The following KAZN variants were observed in gnomAD, a reference collection of about 807,000 sequenced individuals.
KAZN encodes the protein kazrin, periplakin interacting protein.
A neutral mutation model predicts 87.4 loss-of-function variants in KAZN; 40 were observed. The ratio of observed to expected loss-of-function variants is 0.46; its 90% CI spans 0.36 to 0.60. The LOEUF (loss-of-function observed/expected upper bound fraction) is 0.60. Among genes scored for constraint, KAZN ranks in the 20% least tolerant of loss-of-function variants. The pLI is 0.00. For missense variants in KAZN, 898 were observed against 1,073.9 expected (o/e 0.84, Z 2.29); for synonymous variants, 466 against 458.3 (o/e 1.02, Z -0.22).
At chr1:14,052,556 G>A (rs1304876421) in intron 1 of KAZN, among the ~76,000 whole-genome samples, 1 of 151,842 alleles carries the variant, frequency 6.6e-6, no homozygotes, top group Non-Finnish European at 1.5e-5. Flanking sequence ...AAAAACAAGA[G>A]AAATTGACAG....
chr1:14,955,349 A>C (rs1662962863), intron 1 of KAZN, among the ~76,000 whole-genome samples: 1 of 152,336 alleles, frequency 6.6e-6, no homozygotes, highest in African/African-American at 2.4e-5. Flanking sequence ...ACCGAGGCCC[A>C]GGGAGAAGTG....
Position 14,724,602 on chromosome 1 carries a change from G to A in KAZN, c.226+125379G>A, listed in dbSNP as rs189677705. Among the ~76,000 whole-genome samples the A allele has an allele frequency of 2.9e-3, 447 of 152,288 alleles. 3 individuals are homozygous for A. Among genetic ancestry groups the A allele is most frequent in the Non-Finnish European group, 5.1e-3 (345 of 68,028 alleles). ...TGGTTCCTTCTCCGTTTTGTGCCTG[G>A]ATGACACTGCCACCAATTTATTGCC... On this transcript the variant is annotated intron_variant, in intron 1 of 14. Coordinates refer to ENST00000376030, the MANE Select transcript of KAZN (RefSeq NM_201628.3).
intron 2 of KAZN, among the ~76,000 whole-genome samples, chr1:14,187,333 T>A (rs1204422264): frequency 6.6e-6 from 1 of 152,154 alleles, no homozygotes; most frequent in Non-Finnish European, 1.5e-5. Context: ...TTTTAATATG[T>A]TGATACATTC....
chr1:14,532,458 ATT>A (rs1672258523), intron 2 of KAZN, among the ~76,000 whole-genome samples: 1 of 1,482 alleles, frequency 6.7e-4, no homozygotes, highest in Admixed American at 0.028. Context: ...ATGTGTTTTT[ATT>A]ATTATTATTA....
chr1:14,418,758 T>G (rs1665057867), intron 2 of KAZN, among the ~76,000 whole-genome samples: 1 of 152,214 alleles, frequency 6.6e-6, no homozygotes, highest in Non-Finnish European at 1.5e-5. Flanking sequence ...TCTCCCTAGC[T>G]CTGAAGCCAG....
chr1:14,161,720 A>G (rs1353661806), intron 1 of KAZN, among the ~76,000 whole-genome samples: 4 of 152,194 alleles, frequency 2.6e-5, no homozygotes, highest in Non-Finnish European at 5.9e-5. Flanking sequence ...GAATCTAGCT[A>G]TAATTGTCCA....
intron 2 of KAZN, among the ~76,000 whole-genome samples, chr1:14,405,608 G>A (rs12402892): frequency 0.046 from 4,543 of 98,280 alleles, 86 homozygotes; most frequent in Middle Eastern, 0.054. Context: ...CCAATAAAAT[G>A]TGTGTGTGTG....
At chr1:15,079,222 C>T (rs559675392) in intron 8 of KAZN, among the ~76,000 whole-genome samples, 6 of 152,190 alleles carry the variant, frequency 3.9e-5, no homozygotes, top group Admixed American at 2.6e-4. Flanking sequence ...TCCATAGGCG[C>T]CTGTGGAAGA....
At chr1:14,654,756 C>T (rs1638680877) in intron 1 of KAZN, among the ~76,000 whole-genome samples, 1 of 152,208 alleles carries the variant, frequency 6.6e-6, no homozygotes, top group Non-Finnish European at 1.5e-5. Flanking sequence ...CTGTGCAAGA[C>T]TGGACATGCT....
At chr1:15,043,345 G>A (rs780834531) in intron 3 of KAZN, among the ~76,000 whole-genome samples, 79 of 152,280 alleles carry the variant, frequency 5.2e-4, no homozygotes, top group Admixed American at 2.7e-3. Flanking sequence ...AGTATTTCCC[G>A]CACGTGAAGT....
chr1:14,636,697 C>T (rs1392169117), intron 1 of KAZN, among the ~76,000 whole-genome samples: 4 of 152,182 alleles, frequency 2.6e-5, no homozygotes, highest in African/African-American at 7.2e-5. Context: ...ACGCTCGCTC[C>T]AAGTTGCAAG....
In KAZN at chr1:15,064,778, G is replaced by C. The variant is rs1255219906; in HGVS notation, c.1099-852G>C. 2.0e-5 allele frequency among the ~76,000 whole-genome samples: 3 copies of C among 152,206 alleles called. 1 individual carries two copies. Among genetic ancestry groups the C allele is most frequent in the South Asian group, 4.1e-4 (2 of 4,834 alleles). On this transcript the variant is annotated intron_variant, in intron 7 of 14. Coordinates refer to ENST00000376030, the MANE Select transcript of KAZN (RefSeq NM_201628.3). ...CCCAGGCCTCCTTGCCCATGTCACT[G>C]TGTGCTTAGTGCCCTGGCACGGCAG... is the stretch of plus-strand genomic sequence containing the variant.
intron 4 of KAZN, among the ~76,000 whole-genome samples, chr1:15,053,824 G>A (rs1319866699): frequency 6.6e-6 from 1 of 152,242 alleles, no homozygotes; most frequent in Non-Finnish European, 1.5e-5. Context: ...CAGAGCAGGG[G>A]CAAGCCAGGT....
intron 2 of KAZN, among the ~76,000 whole-genome samples, chr1:14,507,888 A>AC (rs1282447392): frequency 6.6e-6 from 1 of 151,854 alleles, no homozygotes; most frequent in Admixed American, 6.6e-5. Context: ...AATGGTGTGA[A>AC]CCCGGGAGGT....
intron 12 of KAZN, 100 bp downstream of exon 12, chr1:15,103,560 G>T: frequency 2.5e-6 from 2 of 802,680 alleles, no homozygotes; most frequent in Non-Finnish European, 4.3e-6. Context: ...AAATCAATAT[G>T]CAGATCTCAT....
chr1:14,943,946 T>C (rs1356696687), intron 1 of KAZN, among the ~76,000 whole-genome samples: 1 of 152,122 alleles, frequency 6.6e-6, no homozygotes, highest in African/African-American at 2.4e-5. Flanking sequence ...TGGTGGCGCA[T>C]GCCTGTAATC....
chr1:14,570,470 T>C (rs569840979), intron 2 of KAZN, among the ~76,000 whole-genome samples: 1 of 152,334 alleles, frequency 6.6e-6, no homozygotes, highest in South Asian at 2.1e-4. Flanking sequence ...TCTGGATATT[T>C]CATATAAGTG....
intron 1 of KAZN, among the ~76,000 whole-genome samples, chr1:14,741,703 T>C (rs943249947): frequency 9.8e-5 from 15 of 152,310 alleles, no homozygotes; most frequent in Middle Eastern, 6.8e-3. Flanking sequence ...CTGAGCTTCA[T>C]AGCCAAGAGG....
intron 2 of KAZN, among the ~76,000 whole-genome samples, chr1:14,242,274 C>A (rs143123847): frequency 9.5e-4 from 145 of 152,128 alleles, no homozygotes; most frequent in Middle Eastern, 3.4e-3. Flanking sequence ...ATACCGGTTG[C>A]GAAAGATTAT....
Sources: gnomAD v4.1 joint callset for allele counts (sites outside exome capture counted in the v4.1 genomes callset) on GRCh38, gnomAD v4.1.1 for gene constraint, MANE v1.5 for transcripts, NCBI Gene and HGNC (gene_info 2026-07-23, HGNC 2026-07-21) for gene names.